The following MYO18B variants were observed in gnomAD, a reference collection of about 807,000 sequenced individuals.
MYO18B encodes the protein myosin XVIIIB.
In MYO18B, 204 loss-of-function variants were observed where a neutral mutation model predicts 273.0. The observed-to-expected ratio is 0.75, with a 90% CI of 0.67 to 0.84. The LOEUF (loss-of-function observed/expected upper bound fraction) is 0.84. Among genes scored for constraint, MYO18B ranks in the 40% least tolerant of loss-of-function variants. MYO18B has a pLI of 0.00. For synonymous variants in MYO18B, 1,330 were observed against 1,305.7 expected (o/e 1.02, Z -0.40); for missense variants, 3,212 against 3,287.6 (o/e 0.98, Z 0.56).
chr22:26,046,290 T>C, the MYO18B span, among the ~76,000 whole-genome samples: 581 of 152,322 alleles, frequency 3.8e-3, 2 homozygotes, highest in Admixed American at 4.7e-3. Flanking sequence ...TAAGCATTGT[T>C]GTCTGTGCTC....
At chr22:25,777,880 C>T in intron 8 of MYO18B, 99 bp downstream of exon 8, 1 of 1,202,480 alleles carries the variant, frequency 8.3e-7, no homozygotes, top group Non-Finnish European at 1.2e-6. Context: ...AGCTAGCATT[C>T]ACTGAGCACC....
intron 21 of MYO18B, among the ~76,000 whole-genome samples, chr22:25,855,778 T>C (rs2090553656): frequency 6.6e-6 from 1 of 152,120 alleles, no homozygotes; most frequent in Non-Finnish European, 1.5e-5. Flanking sequence ...AGTAATGGGG[T>C]TGCTGGGTTG....
intron 6 of MYO18B, 66 bp from the exon 7 acceptor site, chr22:25,772,268 G>T: frequency 1.3e-6 from 2 of 1,511,348 alleles, no homozygotes; most frequent in Non-Finnish European, 1.8e-6. Context: ...TTGCGGGGGG[G>T]TGGGGTGGGG....
At chr22:25,956,468 G>A (rs1215217200) in intron 39 of MYO18B, among the ~76,000 whole-genome samples, 1 of 152,082 alleles carries the variant, frequency 6.6e-6, no homozygotes, top group Non-Finnish European at 1.5e-5. Flanking sequence ...TGCCCACTTC[G>A]GCCACCCAAA....
At chr22:25,825,568 A>G (rs932206839) in intron 13 of MYO18B, among the ~76,000 whole-genome samples, 8 of 152,184 alleles carry the variant, frequency 5.3e-5, no homozygotes, top group African/African-American at 1.4e-4. Context: ...AATCAAGTCC[A>G]CAACTGTAAT....
Position 25,843,613 on chromosome 22 carries a change from G to A in MYO18B, c.3209-122G>A, listed in dbSNP as rs924845639. The A allele has an allele frequency of 9.1e-6, 9 of 985,056 alleles. No homozygotes were observed. The East Asian group carries it at 1.5e-4, about 16-fold the overall frequency. 61.0% of individuals were successfully genotyped at this position (985,056 alleles called of 1,614,324 possible). The stretch of plus-strand genomic sequence containing the variant: ...CAGCAGGAGAAATGTGGGTGCCTTC[G>A]ACCATGAGCGTTAGCTATCTGGAAA... On this transcript the variant is annotated intron_variant, in intron 17 of 43. Coordinates refer to ENST00000335473, the MANE Select transcript of MYO18B (RefSeq NM_032608.7).
At chr22:25,944,588 G>A (rs1001590930) in intron 34 of MYO18B, among the ~76,000 whole-genome samples, 3 of 152,122 alleles carry the variant, frequency 2.0e-5, no homozygotes, top group Non-Finnish European at 4.4e-5. Context: ...GGTGGCTCAC[G>A]CCTGTAATCC....
the MYO18B span, among the ~76,000 whole-genome samples, chr22:26,043,604 G>A: frequency 1.3e-5 from 2 of 149,382 alleles, no homozygotes; most frequent in Non-Finnish European, 3.0e-5. Flanking sequence ...TCTGCCTCCC[G>A]GGTTCTTGCA....
chr22:25,902,893 C>T lies in MYO18B; in HGVS notation c.4947+157C>T. ...ATCCCAGTGTGTCTTAATAAAATAG[C>T]AAATGGTGGCTGGTAAATTGATAAT... On this transcript the variant is annotated intron_variant, in intron 30 of 43. Transcript: ENST00000335473. 3 of 793,784 alleles carry T rather than the reference C, an allele frequency of 3.8e-6. No homozygotes were observed. In the South Asian group the frequency reaches 5.6e-5, roughly 15 times the overall value. 49.2% of individuals were successfully genotyped at this position (793,784 alleles called of 1,614,324 possible).
intron 14 of MYO18B, among the ~76,000 whole-genome samples, chr22:25,827,183 G>A (rs73403707): frequency 0.03 from 4,575 of 152,256 alleles, 191 homozygotes; most frequent in African/African-American, 0.095. Context: ...AACCTGCTTT[G>A]CATCATTGAA....
chr22:25,794,082 C>T (rs924190476), intron 11 of MYO18B, among the ~76,000 whole-genome samples: 6 of 151,886 alleles, frequency 4.0e-5, no homozygotes, highest in African/African-American at 9.7e-5. Flanking sequence ...TATGGGCACC[C>T]GCCACCACGC....
chr22:25,778,396 TAAC>T (rs898143532), intron 8 of MYO18B, among the ~76,000 whole-genome samples: 6 of 152,124 alleles, frequency 3.9e-5, no homozygotes, highest in Non-Finnish European at 4.4e-5. Context: ...CAATTAATAA[TAAC>T]AACTACAATA....
intron 33 of MYO18B, among the ~76,000 whole-genome samples, chr22:25,911,757 GA>G (rs1022038014): frequency 2.6e-5 from 4 of 151,990 alleles, no homozygotes; most frequent in Admixed American, 6.5e-5. Flanking sequence ...GTCCTTTGGG[GA>G]AAAAAAATCA....
chr22:25,780,424 C>T (rs1280451164), intron 9 of MYO18B, among the ~76,000 whole-genome samples: 5 of 151,722 alleles, frequency 3.3e-5, no homozygotes, highest in Non-Finnish European at 5.9e-5. Context: ...AACCCCGTCT[C>T]TACTAAGATG....
intron 21 of MYO18B, among the ~76,000 whole-genome samples, chr22:25,862,370 A>T (rs1186202612): frequency 6.6e-6 from 1 of 152,170 alleles, no homozygotes; most frequent in African/African-American, 2.4e-5. Context: ...CAAAGGAAAA[A>T]AATGAAGATT....
Position 25,925,811 on chromosome 22 carries a change from A to G in MYO18B, c.5517+4402A>G, listed in dbSNP as rs956258249. ...TCCCAGCTACTCAGGAGGCTGAGGC[A>G]GGAGAATCACTTGAACCCGGGAGGT... On this transcript the variant is annotated intron_variant, in intron 34 of 43. Coordinates refer to ENST00000335473, the MANE Select transcript of MYO18B (RefSeq NM_032608.7). Among the ~76,000 whole-genome samples, 3 of 149,344 alleles carry G rather than the reference A, an allele frequency of 2.0e-5. No individual in the cohort carries two copies. The East Asian group carries it at 6.0e-4, about 30-fold the overall frequency.
intron 33 of MYO18B, among the ~76,000 whole-genome samples, chr22:25,914,988 C>T (rs1050051028): frequency 4.0e-5 from 6 of 151,524 alleles, no homozygotes; most frequent in Non-Finnish European, 8.8e-5. Context: ...TGAAACACCG[C>T]GCCCGGCCAG....
intron 31 of MYO18B, 54 bp from the exon 32 acceptor site, chr22:25,908,268 G>A: frequency 1.5e-6 from 2 of 1,371,002 alleles, no homozygotes; most frequent in Admixed American, 3.9e-5. Flanking sequence ...GACATGGAGG[G>A]CTTGGAGAGT....
At chr22:25,837,591 G>A (rs960273540) in intron 17 of MYO18B, among the ~76,000 whole-genome samples, 32 of 152,284 alleles carry the variant, frequency 2.1e-4, no homozygotes, top group Admixed American at 1.9e-3. Flanking sequence ...GTGAGTGAGC[G>A]CCGGCAGAAG....
Sources: allele counts gnomAD v4.1 joint callset (sites outside exome capture counted in the v4.1 genomes callset), GRCh38; gene constraint gnomAD v4.1.1; transcripts MANE v1.5; gene names NCBI Gene and HGNC (gene_info 2026-07-23, HGNC 2026-07-21).